The following ZNF208 variants were observed in gnomAD, a reference collection of about 807,000 sequenced individuals.
ZNF208 encodes zinc finger protein 208.
In ZNF208, 10 loss-of-function variants were observed where a neutral mutation model predicts 12.1. The observed-to-expected ratio is 0.83, with a 90% CI of 0.51 to 1.40. The LOEUF is 1.40. Among genes scored for constraint, ZNF208 ranks in the 40% most tolerant of loss-of-function variants. The probability of loss-of-function intolerance (pLI) is 0.00; values close to 1 mark genes in which losing one functional copy is unlikely to be tolerated. For synonymous variants in ZNF208, 497 were observed against 488.4 expected, an observed-to-expected ratio of 1.02 and a Z score of -0.23; for missense variants, 1,652 against 1,485.0, an observed-to-expected ratio of 1.11 and a Z score of -1.85.
intron 4 of ZNF208, among the ~76,000 whole-genome samples, chr19:21,948,682 A>G (rs933805148): frequency 8.5e-5 from 13 of 152,220 alleles, no homozygotes; most frequent in African/African-American, 3.1e-4. Flanking sequence ...ATACATATAT[A>G]GAGTCTTTCC....
intron 1 of ZNF208, among the ~76,000 whole-genome samples, chr19:21,989,858 T>G (rs1970699378): frequency 6.6e-6 from 1 of 152,216 alleles, no homozygotes; most frequent in Admixed American, 6.5e-5. Context: ...TTTTCATGTG[T>G]TTTTTGGCTG....
At chr19:21,952,927 G>A (rs1466199230) in intron 4 of ZNF208, among the ~76,000 whole-genome samples, 1 of 152,150 alleles carries the variant, frequency 6.6e-6, no homozygotes, top group Admixed American at 6.5e-5. Flanking sequence ...TTGAAAAAAG[G>A]TTAGATGAAT....
Position 21,971,700 on chromosome 19 carries a change from G to A in ZNF208, c.3334C>T (p.Pro1112Ser), listed in dbSNP as rs769480170. 1 of 1,613,860 alleles carries A rather than the reference G, an allele frequency of 6.2e-7. No homozygotes were observed. The highest frequency in any genetic ancestry group is 1.1e-5 in the South Asian group (1 of 91,060). Residue 1112 changes from proline to serine, a missense_variant, in exon 4 of 4, where the codon CCC becomes TCC. Physicochemically the swap from Pro to Ser is moderately conservative, Grantham distance 74. This residue lies in a region of ZNF208 where 1,239 missense variants were observed against 1,086.2 expected (regional missense o/e 1.14). Transcript: ENST00000397126. ...EHKRIHTGEK[P>S]YKCEECGKSF... ...TTGCCACATTCTTCACATTTGTAGG[G>A]TTTCTCTCCAGTATGAATTCTCTTA... is the stretch of plus-strand genomic sequence containing the variant.
At chr19:21,946,614 C>A (rs879486139) in intron 4 of ZNF208, among the ~76,000 whole-genome samples, 4 of 152,164 alleles carry the variant, frequency 2.6e-5, no homozygotes, top group Admixed American at 2.6e-4. Flanking sequence ...TCTTGGTGCA[C>A]TGATAAAACT....
In ZNF208 at chr19:21,971,911, G is replaced by A; in HGVS notation, c.3123C>T (p.Pro1041=). The part of the protein sequence containing the change: ...CEECDKAFSW[P]SSLTEHKATH... ...TTGCCTTATGTTCAGTAAGGCTTGA[G>A]GGCCAGCTGAAGGCTTTGTCACATT... Residue 1041 remains proline (P), a synonymous_variant, in exon 4 of 4, where the codon CCC becomes CCT. Transcript: ENST00000397126. The A allele has an allele frequency of 2.6e-6, 4 of 1,529,178 alleles. No individual in the cohort carries two copies. Among genetic ancestry groups the A allele is most frequent in the Non-Finnish European group, 3.6e-6 (4 of 1,122,022 alleles). The allele number at this position is 1,529,178 out of a possible 1,614,324, so 94.7% of individuals were successfully genotyped here.
chr19:21,951,408 A>C (rs979162389), intron 4 of ZNF208, among the ~76,000 whole-genome samples: 14 of 152,230 alleles, frequency 9.2e-5, no homozygotes, highest in Admixed American at 8.5e-4. Context: ...AATTATAAGA[A>C]GGCATAAAAA....
chr19:21,949,607 C>G (rs578051639), intron 4 of ZNF208, among the ~76,000 whole-genome samples: 74 of 152,252 alleles, frequency 4.9e-4, no homozygotes, highest in African/African-American at 1.7e-3. Flanking sequence ...AGCCTTTAAC[C>G]AACTAAAGCA....
rs151134503 is a variant in ZNF208, at chr19:22,005,699, C to T, written c.3+5093G>A. On this transcript the variant is annotated intron_variant, in intron 1 of 3. Transcript: ENST00000397126. ...CCATAACCTTTTTGAAATTCAATAA[C>T]CTGATACAGCTACTCACAGAACTCA... Among the ~76,000 whole-genome samples, 447 of 152,238 alleles carry T rather than the reference C, an allele frequency of 2.9e-3. 3 individuals carry two copies. The highest frequency in any genetic ancestry group is 9.8e-3 in the African/African-American group (409 of 41,532).
chr19:21,955,200 G>T (rs1479612430), intron 4 of ZNF208, among the ~76,000 whole-genome samples: 1 of 152,132 alleles, frequency 6.6e-6, no homozygotes, highest in Non-Finnish European at 1.5e-5. Flanking sequence ...GAGATCAGCT[G>T]TTAGCCTGAT....
At position 21,968,954 on chromosome 19, in the gene ZNF208, G is replaced by A. The variant is rs1294446261; in HGVS notation, c.*2237C>T. Among the ~76,000 whole-genome samples the A allele has an allele frequency of 6.6e-6, 1 of 152,102 alleles. No homozygotes were observed. Among genetic ancestry groups the A allele is most frequent in the Non-Finnish European group, 1.5e-5 (1 of 68,012 alleles). On this transcript the variant is annotated 3_prime_UTR_variant, in exon 4 of 4. Transcript: ENST00000397126. ...AATCCCAGGACTTTGGGTGGCCAAG[G>A]TGGGCATATCATGAGGTCAGGAGAT...
chr19:21,973,408 T>C lies in ZNF208; in HGVS notation c.1626A>G (p.Lys542=), dbSNP rs756266383. 9 of 1,612,172 alleles carry C rather than the reference T, an allele frequency of 5.6e-6. No individual in the cohort carries two copies. Among genetic ancestry groups the C allele is most frequent in the Non-Finnish European group, 7.6e-6 (9 of 1,179,822 alleles). The change falls in exon 4 of 4, where the codon AAA becomes AAG. Residue 542 remains lysine, a synonymous_variant. Transcript: ENST00000397126. The part of the protein sequence containing the change: ...KSFSTFSILT[K]HKVIHTGEKP... ...TCTCTCCAGTATGAATTACCTTATG[T>C]TTAGTAAGGATTGAGAATGTACTGA...
In ZNF208 at chr19:21,968,614, C is replaced by G. The variant is rs1970216575; in HGVS notation, c.*2577G>C. 1 of 152,032 alleles carries G rather than the reference C, an allele frequency of 6.6e-6. No homozygotes were observed. The highest frequency in any genetic ancestry group is 2.1e-4 in the South Asian group (1 of 4,820). The allele number at this position is 152,032 out of a possible 1,614,324, so 9.4% of individuals were successfully genotyped here. ...TAGTATTTCATGGAGGATTATTATT[C>G]CAATATTCACCCAGAATATTGACCT... On this transcript the variant is annotated 3_prime_UTR_variant, in exon 4 of 4. Transcript: ENST00000397126.
At chr19:21,961,938 T>C (rs1323833525), downstream of ZNF208, among the ~76,000 whole-genome samples, 1 of 152,084 alleles carries the variant, frequency 6.6e-6, no homozygotes, top group East Asian at 1.9e-4. Context: ...ATTTGTACAA[T>C]ACTGGTCCTG....
intron 1 of ZNF208, chr19:21,997,756 T>A (rs1970864878): frequency 6.5e-6 from 1 of 154,770 alleles, no homozygotes; most frequent in African/African-American, 2.4e-5. Flanking sequence ...CAGTTTTTAT[T>A]TATAATGGTG....
chr19:21,992,310 A>T (rs988625770), intron 1 of ZNF208, among the ~76,000 whole-genome samples: 3 of 152,248 alleles, frequency 2.0e-5, no homozygotes, highest in African/African-American at 7.2e-5. Context: ...CTGCTGAGAT[A>T]TTGCCCCCTG....
rs1325480033 is a variant in ZNF208 at position 21,968,709 on chromosome 19, A to C, written c.*2482T>G. Among the ~76,000 whole-genome samples the C allele has an allele frequency of 6.6e-6, 1 of 152,112 alleles. No individual in the cohort carries two copies. The highest frequency in any genetic ancestry group is 1.5e-5 in the Non-Finnish European group (1 of 68,014). On this transcript the variant is annotated 3_prime_UTR_variant, in exon 4 of 4. Coordinates refer to ENST00000397126, the MANE Select transcript of ZNF208 (RefSeq NM_007153.3). Reference sequence around the variant, plus strand: ...TATATTTCACTGATTTAATATAACAAGTTAGGGTGAAATCCCACCTTGATT... The same window carrying C: ...TATATTTCACTGATTTAATATAACACGTTAGGGTGAAATCCCACCTTGATT...
rs373934521 is a variant in ZNF208 at position 21,976,047 on chromosome 19, A to T, written c.227-1240T>A. 5.1e-4 allele frequency among the ~76,000 whole-genome samples: 77 copies of T among 152,218 alleles called. 4 individuals are homozygous for T. The highest frequency in any genetic ancestry group is 2.7e-3 in the East Asian group (14 of 5,184). ...ACAACACCTAATCATATAAAAATAC[A>T]TTATTTTCTAGGAAAGACATGCACA... On this transcript the variant is annotated intron_variant, in intron 3 of 3. Transcript: ENST00000397126.
At chr19:21,960,857 GGA>G (rs1315280334) in intron 4 of ZNF208, among the ~76,000 whole-genome samples, 4 of 152,266 alleles carry the variant, frequency 2.6e-5, no homozygotes, top group Non-Finnish European at 5.9e-5. Flanking sequence ...CCAAGCGTTT[GGA>G]GAGTCTCTAT....
intron 3 of ZNF208, among the ~76,000 whole-genome samples, chr19:21,978,068 C>T (rs1970466078): frequency 6.6e-6 from 1 of 152,144 alleles, no homozygotes; most frequent in South Asian, 2.1e-4. Flanking sequence ...ATGCAGCAGC[C>T]ACATTCAGGG....
Sources: allele counts gnomAD v4.1 joint callset (sites outside exome capture counted in the v4.1 genomes callset), GRCh38; gene constraint gnomAD v4.1.1; regional missense constraint gnomAD v4.1.1; transcripts MANE v1.5; gene names NCBI Gene and HGNC (gene_info 2026-07-23, HGNC 2026-07-21).